Variants in NNT observed in about 807,000 individuals in gnomAD.
The protein encoded by NNT is NAD(P) transhydrogenase, mitochondrial.
In NNT, 50 loss-of-function variants were observed where a neutral mutation model predicts 104.8. The observed-to-expected ratio is 0.48, with a 90% CI of 0.38 to 0.60. The LOEUF (loss-of-function observed/expected upper bound fraction) is 0.60. Ranked by LOEUF, NNT falls within the 20% of genes least tolerant of loss-of-function variation. The probability of loss-of-function intolerance (pLI) is 0.00; values close to 1 mark genes in which losing one functional copy is unlikely to be tolerated. For missense variants in NNT, 1,131 were observed against 1,330.7 expected, an observed-to-expected ratio of 0.85 and a Z score of 2.33; for synonymous variants, 461 against 490.4, an observed-to-expected ratio of 0.94 and a Z score of 0.79.
intron 2 of NNT, among the ~76,000 whole-genome samples, chr5:43,612,504 T>A (rs1420443289): frequency 1.3e-5 from 2 of 152,176 alleles, no homozygotes; most frequent in East Asian, 3.8e-4. Flanking sequence ...CAGTTGTTCT[T>A]CAAAATAGCT....
At position 43,619,022 on chromosome 5, in the gene NNT, A is replaced by T; in HGVS notation, c.600-10A>T. On this transcript the variant is annotated splice_polypyrimidine_tract_variant and intron_variant, in intron 4 of 21. Transcript: ENST00000344920. ...GAATTATTTATTTATTTATTTATTT[A>T]TTTTTAAAGTTATAAGGCTGTTGTC... 7.1e-7 allele frequency: 1 copy of T among 1,407,262 alleles called. No individual in the cohort carries two copies. The highest frequency in any genetic ancestry group is 2.1e-5 in the Admixed American group (1 of 47,092). The allele number at this position is 1,407,262 out of a possible 1,614,324, so 87.2% of individuals were successfully genotyped here.
In NNT at chr5:43,705,981, A is replaced by G. The variant is rs1743085113; in HGVS notation, c.*1577A>G. 1.3e-5 allele frequency: 2 copies of G among 152,112 alleles called. No individual in the cohort carries two copies. Among genetic ancestry groups the G allele is most frequent in the South Asian group, 4.1e-4 (2 of 4,832 alleles). 9.4% of individuals were successfully genotyped at this position (152,112 alleles called of 1,614,324 possible). On this transcript the variant is annotated 3_prime_UTR_variant, in exon 22 of 22. Coordinates refer to ENST00000344920, the MANE Select transcript of NNT (RefSeq NM_182977.3). The stretch of plus-strand genomic sequence containing the variant: ...CAAAGTAGTTGTAGTTATATCTAGA[A>G]AGAAGCAATTTTGATTTCTTGAAAA...
chr5:43,617,758 A>T (rs573447519), intron 4 of NNT, among the ~76,000 whole-genome samples: 1 of 152,320 alleles, frequency 6.6e-6, no homozygotes, highest in African/African-American at 2.4e-5. Context: ...TTAATTCCAC[A>T]ATTAATTTCT....
At chr5:43,649,075 A>G in intron 10 of NNT, 72 bp from the exon 11 acceptor site, 1 of 1,500,178 alleles carries the variant, frequency 6.7e-7, no homozygotes, top group Non-Finnish European at 9.2e-7. Flanking sequence ...CCACATATTT[A>G]TGTATGTGCT....
chr5:43,663,500 T>G (rs550124232), intron 17 of NNT, among the ~76,000 whole-genome samples: 53 of 152,370 alleles, frequency 3.5e-4, no homozygotes, highest in Non-Finnish European at 6.8e-4. Context: ...TCTTTTCTTC[T>G]ACAATTTTCT....
chr5:43,622,194 A>T (rs1376268663), intron 5 of NNT, among the ~76,000 whole-genome samples: 1 of 152,170 alleles, frequency 6.6e-6, no homozygotes, highest in East Asian at 1.9e-4. Context: ...ATTAGGGATG[A>T]TCTTTGGGAG....
intron 16 of NNT, among the ~76,000 whole-genome samples, chr5:43,657,997 T>A (rs78062877): frequency 0.032 from 4,843 of 152,058 alleles, 220 homozygotes; most frequent in African/African-American, 0.1. Context: ...AAGCCGGGTG[T>A]GGTAGTCTGC....
intron 17 of NNT, among the ~76,000 whole-genome samples, chr5:43,667,818 G>A (rs980626633): frequency 6.6e-6 from 1 of 152,176 alleles, no homozygotes; most frequent in Non-Finnish European, 1.5e-5. Flanking sequence ...GGTATTTCTA[G>A]TTCTAGATCC....
chr5:43,685,671 T>G (rs1477487234), intron 19 of NNT, among the ~76,000 whole-genome samples: 3 of 152,176 alleles, frequency 2.0e-5, no homozygotes, highest in Non-Finnish European at 1.5e-5. Flanking sequence ...GAACTAGGTC[T>G]GGATATTTCC....
Position 43,609,312 on chromosome 5 carries a change from C to A in NNT, c.117C>A (p.His39Gln), listed in dbSNP as rs1749384781. 1.9e-6 allele frequency: 3 copies of A among 1,613,946 alleles called. No individual in the cohort carries two copies. Among genetic ancestry groups the A allele is most frequent in the Non-Finnish European group, 2.5e-6 (3 of 1,179,920 alleles). The change falls in exon 2 of 22, where the codon CAC (histidine) becomes CAA (glutamine). Residue 39 changes from histidine (H) to glutamine (Q), a missense_variant. His to Gln is a conservative substitution (Grantham distance 24). Coordinates refer to ENST00000344920, the MANE Select transcript of NNT (RefSeq NM_182977.3). The part of the protein sequence containing the change: ...KKDFLRTFYT[H>Q]QELWCKAPVK... ...ATTTTTTACGAACATTTTATACTCACCAAGAACTGTGGTGTAAAGCGCCTG... is the reference window on the plus strand; with the variant it reads ...ATTTTTTACGAACATTTTATACTCAACAAGAACTGTGGTGTAAAGCGCCTG...
At chr5:43,697,221 C>A (rs1742602630) in intron 19 of NNT, among the ~76,000 whole-genome samples, 1 of 152,204 alleles carries the variant, frequency 6.6e-6, no homozygotes, top group South Asian at 2.1e-4. Flanking sequence ...TATTCTAAAT[C>A]ATCTCACTCA....
At position 43,675,195 on chromosome 5, in the gene NNT, A is replaced by G. The variant is rs548734995; in HGVS notation, c.2635-316A>G. ...TTGTTCAATCAGCATTCAGACAGTA[A>G]TAAATAGATGTGATTTTTTCATTAG... is the stretch of plus-strand genomic sequence containing the variant. On this transcript the variant is annotated intron_variant, in intron 17 of 21. Coordinates refer to ENST00000344920, the MANE Select transcript of NNT (RefSeq NM_182977.3). Among the ~76,000 whole-genome samples, 15 of 152,316 alleles carry G rather than the reference A, an allele frequency of 9.8e-5. No homozygotes were observed. The South Asian group carries it at 1.9e-3, about 19-fold the overall frequency.
At chr5:43,666,092 G>C (rs1480167485) in intron 17 of NNT, among the ~76,000 whole-genome samples, 1 of 150,932 alleles carries the variant, frequency 6.6e-6, no homozygotes, top group Non-Finnish European at 1.5e-5. Context: ...GGGAAGAGGC[G>C]CTCCTCACTT....
chr5:43,616,840 A>C (rs1213049506), intron 4 of NNT, among the ~76,000 whole-genome samples: 1 of 152,254 alleles, frequency 6.6e-6, no homozygotes, highest in African/African-American at 2.4e-5. Flanking sequence ...GATAAGGCTT[A>C]TGAATCAACT....
At chr5:43,646,759 A>C (rs1432079092) in intron 10 of NNT, among the ~76,000 whole-genome samples, 1 of 152,192 alleles carries the variant, frequency 6.6e-6, no homozygotes, top group Non-Finnish European at 1.5e-5. Flanking sequence ...TAAATACTAC[A>C]ATATAGGCTA....
chr5:43,649,057 T>A, intron 10 of NNT, 90 bp from the exon 11 acceptor site: 1 of 1,393,698 alleles, frequency 7.2e-7, no homozygotes, highest in Non-Finnish European at 1.0e-6. Flanking sequence ...TTAAAAGCAT[T>A]GGCTATTCCA....
intron 3 of NNT, among the ~76,000 whole-genome samples, chr5:43,614,581 A>G (rs1292333417): frequency 6.6e-6 from 1 of 152,226 alleles, no homozygotes; most frequent in Admixed American, 6.5e-5. Context: ...CACCAGATCA[A>G]CAACTGAAAT....
intron 7 of NNT, among the ~76,000 whole-genome samples, chr5:43,628,999 T>G (rs1750528295): frequency 6.6e-6 from 1 of 152,192 alleles, no homozygotes; most frequent in Non-Finnish European, 1.5e-5. Flanking sequence ...TACTATTATT[T>G]TCTCTGCAAC....
intron 19 of NNT, among the ~76,000 whole-genome samples, chr5:43,683,633 T>C (rs1468252882): frequency 6.6e-6 from 1 of 152,220 alleles, no homozygotes; most frequent in African/African-American, 2.4e-5. Context: ...TAAATAAGGA[T>C]CTTGCTTATA....
Sources: allele counts gnomAD v4.1 joint callset (sites outside exome capture counted in the v4.1 genomes callset), GRCh38; gene constraint gnomAD v4.1.1; transcripts MANE v1.5; gene names NCBI Gene and HGNC (gene_info 2026-07-23, HGNC 2026-07-21).